Variants in GSTA3 observed in about 807,000 individuals in gnomAD.
GSTA3 encodes glutathione S-transferase alpha 3.
A neutral mutation model predicts 23.1 loss-of-function variants in GSTA3; 16 were observed. The observed-to-expected ratio is 0.69, with a 90% confidence interval of 0.47 to 1.05. The LOEUF (loss-of-function observed/expected upper bound fraction) is 1.05. Ranked by LOEUF, GSTA3 falls within the 50% of genes least tolerant of loss-of-function variation. The probability of loss-of-function intolerance (pLI) is 0.00; values close to 1 mark genes in which losing one functional copy is unlikely to be tolerated. For missense variants in GSTA3, 319 were observed against 263.6 expected (o/e 1.21, Z -1.46); for synonymous variants, 122 against 91.0 (o/e 1.34, Z -1.94).
chr6:52,903,431 CAAA>C (rs398039914), intron 3 of GSTA3, among the ~76,000 whole-genome samples: 1 of 121,222 alleles, frequency 8.2e-6, no homozygotes. Context: ...ACTAAAAATA[CAAA>C]AAAAAAAAAA....
Position 52,897,841 on chromosome 6 carries a change from T to C in GSTA3, c.530A>G (p.Asn177Ser), listed in dbSNP as rs1241783260. ...ATGGGTCACCTTCAGCAGAGGGAAG[T>C]TGGAGATAAGGCTGGAGTCAAGCTC... is the stretch of plus-strand genomic sequence containing the variant. Reference protein sequence around the residue: ...VEELDSSLISNFPLLKALKTR... With the variant: ...VEELDSSLISSFPLLKALKTR... Residue 177 changes from asparagine to serine, a missense_variant, in exon 6 of 7, where the codon AAC (asparagine) becomes AGC (serine). Physicochemically the swap from Asn to Ser is conservative, Grantham distance 46 (BLOSUM62 1). Coordinates refer to ENST00000211122, the MANE Select transcript of GSTA3 (RefSeq NM_000847.5). 2 of 1,613,028 alleles carry C rather than the reference T, an allele frequency of 1.2e-6. No individual in the cohort carries two copies. The highest frequency in any genetic ancestry group is 1.3e-5 in the African/African-American group (1 of 74,624).
In GSTA3 at chr6:52,896,895, C is replaced by G. The variant is rs536370222; in HGVS notation, c.580G>C (p.Val194Leu). Residue 194 changes from valine (V) to leucine (L), a missense_variant, in exon 7 of 7, where the codon GTG becomes CTG. Coordinates refer to ENST00000211122, the MANE Select transcript of GSTA3 (RefSeq NM_000847.5). ...CTGCCAGGCTGTAGAAACTTCTTCA[C>G]CGTGGGCAGGTTGCTGATTCTGGTT... ...LKTRISNLPTVKKFLQPGSPR... is the reference protein window; with the variant it reads ...LKTRISNLPTLKKFLQPGSPR... 1 of 1,614,024 alleles carries G rather than the reference C, an allele frequency of 6.2e-7. No homozygotes were observed. The highest frequency in any genetic ancestry group is 1.3e-5 in the African/African-American group (1 of 75,026).
At chr6:52,902,182 G>A (rs1765708621) in intron 4 of GSTA3, among the ~76,000 whole-genome samples, 164 bp downstream of exon 4, 1 of 152,126 alleles carries the variant, frequency 6.6e-6, no homozygotes, top group Non-Finnish European at 1.5e-5. Context: ...CACGTTCACT[G>A]TTTCCTCATC....
At chr6:52,900,872 C>T (rs1037669605) in intron 4 of GSTA3, among the ~76,000 whole-genome samples, 1 of 152,170 alleles carries the variant, frequency 6.6e-6, no homozygotes, top group Admixed American at 6.5e-5. Flanking sequence ...ATTTACATCT[C>T]CCAGGCCCAC....
At chr6:52,898,537 G>A (rs1280586003) in intron 5 of GSTA3, among the ~76,000 whole-genome samples, 1 of 152,134 alleles carries the variant, frequency 6.6e-6, no homozygotes, top group Non-Finnish European at 1.5e-5. Flanking sequence ...CTAGTAAATT[G>A]AAATTTTGCT....
rs760611090 is a variant in GSTA3, at chr6:52,897,970, G to T, written c.415-14C>A. ...GCTCTGTAACACCTGGAGAATTTGAGGAATCAGATCAGGAATACATGCGCA... is the reference window on the plus strand; with the variant it reads ...GCTCTGTAACACCTGGAGAATTTGATGAATCAGATCAGGAATACATGCGCA... On this transcript the variant is annotated splice_polypyrimidine_tract_variant and intron_variant, in intron 5 of 6. Transcript: ENST00000211122. 2.7e-5 allele frequency: 43 copies of T among 1,613,846 alleles called. No homozygotes were observed. The South Asian group carries it at 4.7e-4, about 18-fold the overall frequency.
chr6:52,904,235 C>T (rs1477267483), intron 2 of GSTA3, among the ~76,000 whole-genome samples: 1 of 152,070 alleles, frequency 6.6e-6, no homozygotes, highest in Non-Finnish European at 1.5e-5. Context: ...AGCAATCCTC[C>T]CCTATCGGCC....
chr6:52,896,783 T>C lies in GSTA3; in HGVS notation c.*23A>G. 1 of 1,613,562 alleles carries C rather than the reference T, an allele frequency of 6.2e-7. No homozygotes were observed. Among genetic ancestry groups the C allele is most frequent in the Non-Finnish European group, 8.5e-7 (1 of 1,179,654 alleles). On this transcript the variant is annotated 3_prime_UTR_variant, in exon 7 of 7. Coordinates refer to ENST00000211122, the MANE Select transcript of GSTA3 (RefSeq NM_000847.5). The stretch of plus-strand genomic sequence containing the variant: ...ACTTTAGAATATTGGTCTTGCATGT[T>C]CTTAGCCTCCATGGCTGCTTTATTA...
chr6:52,908,495 A>G (rs1294839183), intron 1 of GSTA3, among the ~76,000 whole-genome samples: 4 of 152,174 alleles, frequency 2.6e-5, no homozygotes, highest in Non-Finnish European at 5.9e-5. Flanking sequence ...AGCCTGGGTG[A>G]CAGAATGAGA....
intron 1 of GSTA3, among the ~76,000 whole-genome samples, chr6:52,908,544 C>G (rs1432173781): frequency 6.6e-6 from 1 of 152,052 alleles, no homozygotes; most frequent in Non-Finnish European, 1.5e-5. Flanking sequence ...AAAAGCCAAG[C>G]TAGGATTATG....
At chr6:52,905,642 G>C in intron 2 of GSTA3, 106 bp downstream of exon 2, 1 of 601,112 alleles carries the variant, frequency 1.7e-6, no homozygotes, top group Non-Finnish European at 2.9e-6. Context: ...TTTTATTTGA[G>C]GCCAAAATAT....
chr6:52,902,293 A>G lies in GSTA3; in HGVS notation c.272+53T>C. 2.5e-6 allele frequency: 4 copies of G among 1,606,756 alleles called. No homozygotes were observed. The South Asian group carries it at 4.4e-5, about 18-fold the overall frequency. On this transcript the variant is annotated intron_variant, in intron 4 of 6. Coordinates refer to ENST00000211122, the MANE Select transcript of GSTA3 (RefSeq NM_000847.5). ...CATGGTCTCACCCACTCAAGGAAGGACCTAAATCACTCTGTGTTCTCTGTG... is the reference window on the plus strand; with the variant it reads ...CATGGTCTCACCCACTCAAGGAAGGGCCTAAATCACTCTGTGTTCTCTGTG...
chr6:52,898,957 G>A (rs1765568323), intron 5 of GSTA3, among the ~76,000 whole-genome samples: 1 of 152,170 alleles, frequency 6.6e-6, no homozygotes, highest in Non-Finnish European at 1.5e-5. Context: ...AGAATGACGG[G>A]GTGAGTGCTT....
intron 1 of GSTA3, among the ~76,000 whole-genome samples, chr6:52,907,117 GA>G (rs1765916185): frequency 7.0e-6 from 1 of 143,142 alleles, no homozygotes. Flanking sequence ...AAATTTACAA[GA>G]AAAAAACAAA....
chr6:52,897,691 C>T, intron 6 of GSTA3, 134 bp downstream of exon 6: 10 of 950,200 alleles, frequency 1.1e-5, no homozygotes, highest in Non-Finnish European at 1.5e-5. Context: ...TCTGGAAGCT[C>T]ATTTTGGAGA....
At position 52,902,610 on chromosome 6, in the gene GSTA3, A is replaced by G. The variant is rs1765729781; in HGVS notation, c.140-132T>C. 6 of 907,938 alleles carry G rather than the reference A, an allele frequency of 6.6e-6. No homozygotes were observed. The East Asian group carries it at 1.5e-4, about 23-fold the overall frequency. The allele number at this position is 907,938 out of a possible 1,614,324, so 56.2% of individuals were successfully genotyped here. On this transcript the variant is annotated intron_variant, in intron 3 of 6. Transcript: ENST00000211122. ...TTATTGCCTGCTAACCTCAAAAACG[A>G]AATAGTATTTTGATTTTAGCTGCCT...
At chr6:52,906,309 T>C (rs1435461835) in intron 1 of GSTA3, among the ~76,000 whole-genome samples, 2 of 152,216 alleles carry the variant, frequency 1.3e-5, no homozygotes, top group African/African-American at 2.4e-5. Context: ...ATTTGCCAAC[T>C]AGCTAGTTAG....
intron 4 of GSTA3, 151 bp downstream of exon 4, chr6:52,902,195 C>T: frequency 1.2e-6 from 1 of 856,520 alleles, no homozygotes; most frequent in Non-Finnish European, 1.9e-6. Context: ...TCCTCATCCC[C>T]ATGGGACTCT....
rs780726455 is a variant in GSTA3 at position 52,897,825 on chromosome 6, C to T, written c.546G>A (p.Lys182=). 3.1e-6 allele frequency: 5 copies of T among 1,613,380 alleles called. No individual in the cohort carries two copies. In the South Asian group the frequency reaches 5.5e-5, roughly 18 times the overall value. Residue 182 remains lysine (K), a splice_region_variant and synonymous_variant, in exon 6 of 7, where the codon AAG becomes AAA. Transcript: ENST00000211122. The part of the protein sequence containing the change: ...SSLISNFPLL[K]ALKTRISNLP... ...CTCTGAGGGCTGTGAAATGGGTCAC[C>T]TTCAGCAGAGGGAAGTTGGAGATAA... is the stretch of plus-strand genomic sequence containing the variant.
Sources: allele counts gnomAD v4.1 joint callset (sites outside exome capture counted in the v4.1 genomes callset), GRCh38; gene constraint gnomAD v4.1.1; transcripts MANE v1.5; gene names NCBI Gene and HGNC (gene_info 2026-07-23, HGNC 2026-07-21).